PPARG: variants seen among roughly 807,000 people sequenced by gnomAD.
PPARG encodes the protein peroxisome proliferator-activated receptor gamma.
In PPARG, 17 loss-of-function variants were observed where a neutral mutation model predicts 39.2. The ratio of observed to expected loss-of-function variants is 0.43; its 90% CI spans 0.30 to 0.65. The LOEUF is 0.65. Ranked by LOEUF, PPARG falls within the 30% of genes least tolerant of loss-of-function variation. PPARG has a pLI of 0.13. For synonymous variants in PPARG, 223 were observed against 215.7 expected (o/e 1.03, Z -0.30); for missense variants, 406 against 585.9 (o/e 0.69, Z 3.17).
intron 2 of PPARG, among the ~76,000 whole-genome samples, chr3:12,347,064 A>C (rs10510418): frequency 0.25 from 37,688 of 152,038 alleles, 5,442 homozygotes; most frequent in Middle Eastern, 0.33. Flanking sequence ...GCCTTTCAAA[A>C]AAATGATACA....
At chr3:12,348,658 C>G (rs1205675569) in intron 2 of PPARG, among the ~76,000 whole-genome samples, 1 of 152,160 alleles carries the variant, frequency 6.6e-6, no homozygotes, top group Non-Finnish European at 1.5e-5. Flanking sequence ...ACCTTACATC[C>G]CTCAACAGAA....
chr3:12,337,977 T>C (rs2048062678), intron 2 of PPARG, among the ~76,000 whole-genome samples: 1 of 152,150 alleles, frequency 6.6e-6, no homozygotes, highest in Non-Finnish European at 1.5e-5. Flanking sequence ...ATCCACAACG[T>C]CCTGGAACCA....
intron 2 of PPARG, among the ~76,000 whole-genome samples, chr3:12,355,216 C>T (rs1404657577): frequency 1.3e-5 from 2 of 152,030 alleles, no homozygotes; most frequent in African/African-American, 4.8e-5. Context: ...TTCACCACAG[C>T]CTCAACCTCC....
chr3:12,410,686 T>C (rs2050852284), intron 6 of PPARG, among the ~76,000 whole-genome samples: 1 of 152,194 alleles, frequency 6.6e-6, no homozygotes. Context: ...TTCTAAATAG[T>C]GTGTGAAATA....
intron 2 of PPARG, among the ~76,000 whole-genome samples, chr3:12,345,793 G>A (rs994405439): frequency 1.3e-5 from 2 of 152,158 alleles, no homozygotes; most frequent in African/African-American, 4.8e-5. Context: ...GCGGCTCTAC[G>A]CTTGCTGTAG....
intron 7 of PPARG, among the ~76,000 whole-genome samples, chr3:12,427,641 G>A (rs1319338663): frequency 6.6e-6 from 1 of 152,158 alleles, no homozygotes; most frequent in Non-Finnish European, 1.5e-5. Context: ...TAGATGATTT[G>A]TCCACAGGCA....
chr3:12,431,413 C>T (rs958115491), intron 7 of PPARG, among the ~76,000 whole-genome samples: 4 of 151,854 alleles, frequency 2.6e-5, no homozygotes, highest in African/African-American at 9.7e-5. Flanking sequence ...TATTAGAATA[C>T]AAAGAATACC....
intron 7 of PPARG, among the ~76,000 whole-genome samples, chr3:12,431,781 A>C (rs1243070098): frequency 6.6e-6 from 1 of 152,132 alleles, no homozygotes; most frequent in African/African-American, 2.4e-5. Context: ...CTCTACAAAA[A>C]ATTTCGAAAT....
intron 2 of PPARG, among the ~76,000 whole-genome samples, chr3:12,363,102 T>C (rs949349330): frequency 6.6e-6 from 1 of 152,144 alleles, no homozygotes; most frequent in Non-Finnish European, 1.5e-5. Context: ...AAAATTGTTA[T>C]AGAGACAGGG....
intron 1 of PPARG, among the ~76,000 whole-genome samples, chr3:12,289,360 TTTC>T (rs1183926656): frequency 2.6e-5 from 4 of 152,188 alleles, no homozygotes; most frequent in Non-Finnish European, 4.4e-5. Flanking sequence ...AACTAAAATT[TTTC>T]TTCTTTTCCT....
intron 2 of PPARG, among the ~76,000 whole-genome samples, chr3:12,324,885 C>G (rs560223270): frequency 6.6e-6 from 1 of 152,166 alleles, no homozygotes; most frequent in Non-Finnish European, 1.5e-5. Context: ...ATATCCTGCT[C>G]TCTACTGTGT....
At chr3:12,300,867 C>T (rs1210385886) in intron 1 of PPARG, among the ~76,000 whole-genome samples, 2 of 152,178 alleles carry the variant, frequency 1.3e-5, no homozygotes, top group Non-Finnish European at 2.9e-5. Flanking sequence ...TGTATACCTT[C>T]CCTAATTCCC....
Position 12,376,417 on chromosome 3 carries a change from TAAAAG to T in PPARG, c.-8-3277_-8-3273del, listed in dbSNP as rs372244620. Reference sequence around the variant, plus strand: ...TTGCTCCAAAAAAATGATAAATAAATAAAAGAAAAGAAAAAGGAAAAGCAAGAGGC... The same window carrying T: ...TTGCTCCAAAAAAATGATAAATAAATAAAAGAAAAAGGAAAAGCAAGAGGC... On this transcript the variant is annotated intron_variant, in intron 2 of 7. Coordinates refer to ENST00000651735, the MANE Select transcript of PPARG (RefSeq NM_138711.6). Among the ~76,000 whole-genome samples, 121 of 151,656 alleles carry T rather than the reference TAAAAG, an allele frequency of 8.0e-4. No homozygotes were observed. The East Asian group carries it at 0.012, about 15-fold the overall frequency.
intron 2 of PPARG, among the ~76,000 whole-genome samples, chr3:12,359,862 C>T (rs2007629): frequency 0.12 from 18,007 of 151,670 alleles, 3,549 homozygotes; most frequent in African/African-American, 0.41. Flanking sequence ...TTAGTAGAGA[C>T]GGGGTTTCAC....
At chr3:12,359,737 C>A (rs2048779409) in intron 2 of PPARG, among the ~76,000 whole-genome samples, 1 of 146,806 alleles carries the variant, frequency 6.8e-6, no homozygotes, top group Non-Finnish European at 1.5e-5. Flanking sequence ...TGCAGTGGCG[C>A]CGTCTCAGCT....
intron 2 of PPARG, among the ~76,000 whole-genome samples, chr3:12,341,488 G>A (rs550466322): frequency 6.6e-6 from 1 of 152,218 alleles, no homozygotes; most frequent in South Asian, 2.1e-4. Context: ...GGCTTTAGTT[G>A]CTGAAGGAAA....
intron 1 of PPARG, among the ~76,000 whole-genome samples, chr3:12,294,968 CTG>C (rs1273565128): frequency 2.0e-5 from 3 of 152,298 alleles, no homozygotes; most frequent in Non-Finnish European, 4.4e-5. Flanking sequence ...CAGTGCATCT[CTG>C]TTAGAAATAG....
chr3:12,330,684 A>G (rs932477901), intron 2 of PPARG, among the ~76,000 whole-genome samples: 2 of 152,206 alleles, frequency 1.3e-5, no homozygotes, highest in Non-Finnish European at 2.9e-5. Context: ...TTCAACTGAA[A>G]GAATTGTTCT....
intron 3 of PPARG, 55 bp downstream of exon 3, chr3:12,379,986 C>G: frequency 2.2e-6 from 3 of 1,389,562 alleles, no homozygotes; most frequent in South Asian, 1.2e-5. Flanking sequence ...GGACTCATCT[C>G]TCAGTAACCC....
Sources: allele counts gnomAD v4.1 joint callset (sites outside exome capture counted in the v4.1 genomes callset), GRCh38; gene constraint gnomAD v4.1.1; transcripts MANE v1.5; gene names NCBI Gene and HGNC (gene_info 2026-07-23, HGNC 2026-07-21).